SRRM3: variants seen among roughly 807,000 people sequenced by gnomAD.
SRRM3 encodes serine/arginine repetitive matrix 3, also known as serine/arginine repetitive matrix protein 3.
A neutral mutation model predicts 66.2 loss-of-function variants in SRRM3; 27 were observed. The observed-to-expected ratio is 0.41, with a 90% CI of 0.30 to 0.56. SRRM3 has a LOEUF of 0.56. Ranked by LOEUF, SRRM3 falls within the 20% of genes least tolerant of loss-of-function variation. SRRM3 has a pLI of 0.32. For synonymous variants in SRRM3, 391 were observed against 414.9 expected (o/e 0.94, Z 0.70); for missense variants, 918 against 991.9 (o/e 0.93, Z 1.00).
chr7:76,279,875 A>T (rs1554611604), intron 11 of SRRM3, among the ~76,000 whole-genome samples: 1 of 152,048 alleles, frequency 6.6e-6, no homozygotes, highest in African/African-American at 2.4e-5. Context: ...AGAGTTGCCC[A>T]CTCAGGAGCC....
In SRRM3 at chr7:76,267,328, TC is replaced by T. The variant is rs1554609887; in HGVS notation, c.905del (p.Pro302ArgfsTer297). ...SQRSSGSRSP[S>X]PSGGSGWGSP... ...GCGGTCCAGCGGAAGCCGGTCGCCTTCCCCGTCGGGCGGCAGCGGATGGGGG... is the reference window on the plus strand; with the variant it reads ...GCGGTCCAGCGGAAGCCGGTCGCCTTCCCGTCGGGCGGCAGCGGATGGGGG... On this transcript the variant is annotated frameshift_variant, in exon 11 of 15. Transcript: ENST00000611745. LOFTEE classifies it high-confidence loss of function. The T allele has an allele frequency of 6.5e-7, 1 of 1,540,028 alleles. No homozygotes were observed. Among genetic ancestry groups the T allele is most frequent in the Non-Finnish European group, 8.7e-7 (1 of 1,149,846 alleles).
intron 1 of SRRM3, among the ~76,000 whole-genome samples, chr7:76,205,357 G>A (rs1166660807): frequency 6.6e-6 from 1 of 152,000 alleles, no homozygotes; most frequent in East Asian, 1.9e-4. Flanking sequence ...CTACAGGCAT[G>A]TGCCACCACA....
intron 2 of SRRM3, among the ~76,000 whole-genome samples, chr7:76,241,946 T>C (rs1204546653): frequency 2.6e-5 from 4 of 152,222 alleles, no homozygotes; most frequent in Non-Finnish European, 5.9e-5. Context: ...ATAAGTTTAC[T>C]TGGCTCACGG....
intron 14 of SRRM3, among the ~76,000 whole-genome samples, chr7:76,284,216 C>T (rs1402840245): frequency 6.6e-6 from 1 of 151,286 alleles, no homozygotes; most frequent in African/African-American, 2.4e-5. Context: ...CTCTTGTCAC[C>T]CAGGCTGGAG....
intron 12 of SRRM3, among the ~76,000 whole-genome samples, chr7:76,282,091 GATT>G (rs1554612007): frequency 1.4e-5 from 2 of 143,544 alleles, no homozygotes; most frequent in Non-Finnish European, 3.0e-5. Context: ...TCCTCCCATG[GATT>G]TCCTCCGCAC....
intron 3 of SRRM3, among the ~76,000 whole-genome samples, chr7:76,253,860 G>C (rs1801642520): frequency 6.6e-6 from 1 of 150,796 alleles, no homozygotes; most frequent in Admixed American, 6.6e-5. Context: ...GGATAGGAGA[G>C]TCTAGGATTC....
chr7:76,262,564 G>A (rs1317514154), intron 8 of SRRM3, among the ~76,000 whole-genome samples: 2 of 149,378 alleles, frequency 1.3e-5, no homozygotes, highest in Admixed American at 6.7e-5. Flanking sequence ...GCTCATGCCT[G>A]TAATCCCAGC....
At chr7:76,221,352 C>A (rs1226842393) in intron 1 of SRRM3, among the ~76,000 whole-genome samples, 1 of 133,870 alleles carries the variant, frequency 7.5e-6, no homozygotes, top group African/African-American at 3.3e-5. Context: ...ACTGGGCCTG[C>A]CCTCCTCTTT....
intron 9 of SRRM3, 148 bp downstream of exon 9, chr7:76,264,963 C>A: frequency 1.1e-6 from 1 of 939,930 alleles, no homozygotes; most frequent in Non-Finnish European, 1.6e-6. Context: ...AAGCCAAGGG[C>A]TCTTGCTGAG....
intron 2 of SRRM3, among the ~76,000 whole-genome samples, chr7:76,246,528 C>T (rs1015606096): frequency 1.3e-5 from 2 of 151,958 alleles, no homozygotes; most frequent in Non-Finnish European, 2.9e-5. Context: ...CGCACCACTG[C>T]ACTCCAGGCC....
Position 76,240,611 on chromosome 7 carries a change from C to T in SRRM3, c.233+5312C>T, listed in dbSNP as rs1178722562. 1.9e-4 allele frequency among the ~76,000 whole-genome samples: 25 copies of T among 132,006 alleles called. No homozygotes were observed. In the South Asian group the frequency reaches 5.0e-3, roughly 27 times the overall value. The allele number at this position is 132,006 out of a possible 152,430, so 86.6% of individuals were successfully genotyped here. ...CTCCAGCCTGGGCAACAGAGCGAGACTCCATCTCAAAAAAAAAAAAAAAAA... is the reference window on the plus strand; with the variant it reads ...CTCCAGCCTGGGCAACAGAGCGAGATTCCATCTCAAAAAAAAAAAAAAAAA... On this transcript the variant is annotated intron_variant, in intron 2 of 14. Coordinates refer to ENST00000611745, the MANE Select transcript of SRRM3 (RefSeq NM_001110199.3).
intron 11 of SRRM3, chr7:76,273,023 G>A (rs10480547): frequency 0.19 from 28,942 of 152,168 alleles, 4,430 homozygotes; most frequent in African/African-American, 0.41. Flanking sequence ...TGTCCACTCC[G>A]ATTGGCCTTG....
At chr7:76,238,961 C>T (rs891856558) in intron 2 of SRRM3, among the ~76,000 whole-genome samples, 5 of 151,990 alleles carry the variant, frequency 3.3e-5, no homozygotes, top group Non-Finnish European at 7.4e-5. Flanking sequence ...CATGCCCAGA[C>T]GCCATGCCTC....
intron 1 of SRRM3, among the ~76,000 whole-genome samples, chr7:76,213,143 G>A (rs527813586): frequency 6.6e-6 from 1 of 151,500 alleles, no homozygotes; most frequent in South Asian, 2.1e-4. Context: ...CCTAGTAGCT[G>A]GGATTACAGG....
At chr7:76,280,113 A>C (rs1554611627) in intron 11 of SRRM3, among the ~76,000 whole-genome samples, 1 of 150,588 alleles carries the variant, frequency 6.6e-6, no homozygotes, top group East Asian at 1.9e-4. Flanking sequence ...AAAAATCAGA[A>C]CTTAAAAAAA....
At position 76,245,073 on chromosome 7, in the gene SRRM3, C is replaced by T. The variant is rs567566805; in HGVS notation, c.234-3115C>T. On this transcript the variant is annotated intron_variant, in intron 2 of 14. Coordinates refer to ENST00000611745, the MANE Select transcript of SRRM3 (RefSeq NM_001110199.3). ...GTATGGGTTGCTATGGACATGCAAA[C>T]GCTAGCATTGAACCTGCGATGGGGG... Among the ~76,000 whole-genome samples, 6 of 152,312 alleles carry T rather than the reference C, an allele frequency of 3.9e-5. 1 individual carries two copies. Among genetic ancestry groups the T allele is most frequent in the South Asian group, 2.1e-4 (1 of 4,826 alleles).
chr7:76,230,744 TTTAC>T (rs200043238), intron 1 of SRRM3, among the ~76,000 whole-genome samples: 30,873 of 144,124 alleles, frequency 0.21, 3,518 homozygotes, highest in East Asian at 0.44. Flanking sequence ...AATAATTTCT[TTTAC>T]TTACTTTTTT....
rs782724091 is a variant in SRRM3 at position 76,285,866 on chromosome 7, G to GC, written c.*29dup. 5 of 1,535,808 alleles carry GC rather than the reference G, an allele frequency of 3.3e-6. No homozygotes were observed. The highest frequency in any genetic ancestry group is 2.5e-5 in the East Asian group (1 of 40,616). ...TGAGCCCAGACAGACTCAGCTTGGT[G>GC]CCCCCCTGGCACTGGGAGAGGCGAG... On this transcript the variant is annotated 3_prime_UTR_variant, in exon 15 of 15. Transcript: ENST00000611745. This position sits in a 1 kb window ranked among gnomAD's most constrained non-coding sequence, Gnocchi z 4.1.
At chr7:76,275,900 C>A (rs935788215) in intron 11 of SRRM3, among the ~76,000 whole-genome samples, 10 of 151,998 alleles carry the variant, frequency 6.6e-5, no homozygotes, top group African/African-American at 2.4e-4. Flanking sequence ...CACAGCAAGA[C>A]CCCATCTCTA....
Sources: gnomAD v4.1 joint callset for allele counts (sites outside exome capture counted in the v4.1 genomes callset) on GRCh38, gnomAD v4.1.1 for gene constraint, Gnocchi (gnomAD v3.1) non-coding constraint, MANE v1.5 for transcripts, NCBI Gene and HGNC (gene_info 2026-07-23, HGNC 2026-07-21) for gene names.